CAD: variants seen among roughly 807,000 people sequenced by gnomAD.
CAD encodes carbamoyl-phosphate synthetase 2, aspartate transcarbamylase, and dihydroorotase, also known as multifunctional protein CAD.
Under a neutral mutation model 237.2 loss-of-function variants are expected in CAD, and 81 were observed. The ratio of observed to expected loss-of-function variants is 0.34; its 90% CI spans 0.29 to 0.41. The LOEUF (loss-of-function observed/expected upper bound fraction) is 0.41, where lower values mean the gene tolerates loss of function less well. Ranked by LOEUF, CAD falls within the 10% of genes least tolerant of loss-of-function variation. The pLI, the probability that CAD is intolerant of heterozygous loss-of-function variation, is 1.00. For synonymous variants in CAD, 1,196 were observed against 1,162.8 expected, an observed-to-expected ratio of 1.03 and a Z score of -0.58; for missense variants, 2,181 against 2,951.7, an observed-to-expected ratio of 0.74 and a Z score of 6.05.
At position 27,221,232 on chromosome 2, in the gene CAD, G is replaced by A. The variant is rs753527488; in HGVS notation, c.237G>A (p.Ser79=). Residue 79 remains serine, a synonymous_variant, in exon 3 of 44, where the codon TCG becomes TCA. Coordinates refer to ENST00000264705, the MANE Select transcript of CAD (RefSeq NM_004341.5). ...EFGLCKWFES[S]GIHVAALVVG... is the part of the protein sequence containing the mutation. ...TCCATCTACAGTGGTTTGAATCCTC[G>A]GGCATCCACGTAGCAGCACTGGTAG... The A allele has an allele frequency of 2.1e-4, 326 of 1,547,436 alleles. No homozygotes were observed. Among genetic ancestry groups the A allele is most frequent in the Admixed American group, 3.2e-4 (17 of 53,880 alleles).
rs772610849 is a variant in CAD at position 27,236,324 on chromosome 2, G to A, written c.4115G>A (p.Gly1372Asp). The A allele has an allele frequency of 3.1e-6, 5 of 1,614,048 alleles. No individual in the cohort carries two copies. Among genetic ancestry groups the A allele is most frequent in the Non-Finnish European group, 1.7e-6 (2 of 1,180,032 alleles). ...VDWHFEEAVD[G>D]ECPPQRSILE... Reference sequence around the variant, plus strand: ...TGGCACTTTGAGGAGGCTGTGGATGGTGAGTGCCCACCACAGCGGAGCATC... The same window carrying A: ...TGGCACTTTGAGGAGGCTGTGGATGATGAGTGCCCACCACAGCGGAGCATC... Residue 1372 changes from glycine to aspartate, a missense_variant, in exon 26 of 44, where the codon GGT becomes GAT. Transcript: ENST00000264705. This position sits in a 1 kb window ranked among gnomAD's most constrained non-coding sequence, Gnocchi z 4.1.
At chr2:27,220,038 G>A (rs546248409) in intron 2 of CAD, among the ~76,000 whole-genome samples, 18 of 152,164 alleles carry the variant, frequency 1.2e-4, no homozygotes, top group African/African-American at 4.3e-4. Flanking sequence ...ATTTATATGG[G>A]TGTTACCTTG....
Position 27,232,159 on chromosome 2 carries a change from A to C in CAD, c.2580A>C (p.Pro860=). ...AACACCGTGGACAGCCTTTGCCGCC[A>C]GACCTGCTGCAACAGGCCAAGTGTC... The part of the protein sequence containing the change: ...LEQHRGQPLP[P]DLLQQAKCLG... The change falls in exon 17 of 44, where the codon CCA becomes CCC. Residue 860 remains proline (P), a synonymous_variant. Transcript: ENST00000264705. The surrounding 1 kb of genome is among the most constrained non-coding windows in gnomAD (Gnocchi z 4.1). 1 of 1,614,256 alleles carries C rather than the reference A, an allele frequency of 6.2e-7. No homozygotes were observed. The highest frequency in any genetic ancestry group is 1.6e-4 in the Middle Eastern group (1 of 6,062).
rs772562315 is a variant in CAD, at chr2:27,233,262, A to C, written c.2992-50A>C. ...GGAAGCAGTGAGCAGGAAGGCTCAG[A>C]TTCCTGCCCTCTTTTGCTGCCACCA... On this transcript the variant is annotated intron_variant, in intron 19 of 43. Transcript: ENST00000264705. The surrounding 1 kb of genome is among the most constrained non-coding windows in gnomAD (Gnocchi z 6.3). 6.4e-7 allele frequency: 1 copy of C among 1,553,728 alleles called. No homozygotes were observed. Among genetic ancestry groups the C allele is most frequent in the South Asian group, 1.1e-5 (1 of 89,610 alleles).
intron 12 of CAD, 21 bp downstream of exon 12, chr2:27,225,947 T>G (rs1675427842): frequency 6.2e-7 from 1 of 1,605,128 alleles, no homozygotes; most frequent in Non-Finnish European, 8.5e-7. Context: ...GGGGGAAGGG[T>G]GGGCGTCGTG....
chr2:27,223,810 G>A, intron 7 of CAD, 62 bp downstream of exon 7: 1 of 1,588,068 alleles, frequency 6.3e-7, no homozygotes, highest in South Asian at 1.1e-5. Context: ...TGATGGAAAA[G>A]TAAAGCACGG....
chr2:27,232,685 G>A lies in CAD; in HGVS notation c.2883G>A (p.Gln961=), dbSNP rs781391999. ...GGTGTGCTGTAGGCTGCATCCAGCAGCTCCGAAAGGTCAGAGAGTTCATTT... is the reference window on the plus strand; with the variant it reads ...GGTGTGCTGTAGGCTGCATCCAGCAACTCCGAAAGGTCAGAGAGTTCATTT... ...FDWCAVGCIQ[Q]LRKMGYKTIM... is the part of the protein sequence containing the mutation. Residue 961 remains glutamine (Q), a synonymous_variant, in exon 18 of 44, where the codon CAG becomes CAA. Transcript: ENST00000264705. The surrounding 1 kb of genome is among the most constrained non-coding windows in gnomAD (Gnocchi z 4.1). The A allele has an allele frequency of 8.1e-6, 13 of 1,614,234 alleles. No individual in the cohort carries two copies. The South Asian group carries it at 1.4e-4, about 18-fold the overall frequency.
chr2:27,240,728 C>A lies in CAD; in HGVS notation c.5594-183C>A. ...ACCACTGCTCCCATACAACACAGCC[C>A]CATGGGAAGCCACCTGTCTGTCCCC... On this transcript the variant is annotated intron_variant, in intron 35 of 43. Coordinates refer to ENST00000264705, the MANE Select transcript of CAD (RefSeq NM_004341.5). This position sits in a 1 kb window ranked among gnomAD's most constrained non-coding sequence, Gnocchi z 4.6. 1 of 1,242,000 alleles carries A rather than the reference C, an allele frequency of 8.1e-7. No homozygotes were observed. Among genetic ancestry groups the A allele is most frequent in the South Asian group, 1.4e-5 (1 of 71,662 alleles). 76.9% of individuals were successfully genotyped at this position (1,242,000 alleles called of 1,614,324 possible).
chr2:27,219,712 C>G (rs2148054504), intron 2 of CAD, among the ~76,000 whole-genome samples: 1 of 152,240 alleles, frequency 6.6e-6, no homozygotes, highest in African/African-American at 2.4e-5. Flanking sequence ...ACCTCAGCCT[C>G]CCGAGTAGCT....
rs905906522 is a variant in CAD, at chr2:27,240,472, G to A, written c.5593+111G>A. 74 of 1,486,944 alleles carry A rather than the reference G, an allele frequency of 5.0e-5. No homozygotes were observed. The highest frequency in any genetic ancestry group is 4.5e-5 in the Non-Finnish European group (48 of 1,073,576). 92.1% of individuals were successfully genotyped at this position (1,486,944 alleles called of 1,614,324 possible). A position where few individuals can be genotyped will look rare whatever the true frequency, so the allele number is the denominator to read the frequency against. ...TCCTCCTCTCCATCCCTTTATCCTCGTCTGATCTGCCGTGCCATCCTTTGC... is the reference window on the plus strand; with the variant it reads ...TCCTCCTCTCCATCCCTTTATCCTCATCTGATCTGCCGTGCCATCCTTTGC... On this transcript the variant is annotated intron_variant, in intron 35 of 43. Coordinates refer to ENST00000264705, the MANE Select transcript of CAD (RefSeq NM_004341.5). The surrounding 1 kb of genome is among the most constrained non-coding windows in gnomAD (Gnocchi z 4.6).
At position 27,232,412 on chromosome 2, in the gene CAD, T is replaced by G. The variant is rs754417952; in HGVS notation, c.2646-36T>G. On this transcript the variant is annotated intron_variant, in intron 17 of 43. Coordinates refer to ENST00000264705, the MANE Select transcript of CAD (RefSeq NM_004341.5). The surrounding 1 kb of genome is among the most constrained non-coding windows in gnomAD (Gnocchi z 4.1). ...CCCTCTATCAGTCTGTACCCTACTCTCTGGGCCTGTGTTTCAGACCCTTTT... is the reference window on the plus strand; with the variant it reads ...CCCTCTATCAGTCTGTACCCTACTCGCTGGGCCTGTGTTTCAGACCCTTTT... 5.0e-6 allele frequency: 8 copies of G among 1,613,208 alleles called. No individual in the cohort carries two copies. Among genetic ancestry groups the G allele is most frequent in the Non-Finnish European group, 6.8e-6 (8 of 1,179,676 alleles).
In CAD at chr2:27,242,739, T is replaced by C. The variant is rs1327327626; in HGVS notation, c.6342T>C (p.Thr2114=). The change falls in exon 41 of 44, where the codon ACT becomes ACC. Residue 2114 remains threonine, a synonymous_variant. Transcript: ENST00000264705. This position sits in a 1 kb window ranked among gnomAD's most constrained non-coding sequence, Gnocchi z 6.4. ...CTCCCAGCCTGCGCATGCCACCCACTGTGCGGGCCTTCGTGGCCTCCCGCG... is the reference window on the plus strand; with the variant it reads ...CTCCCAGCCTGCGCATGCCACCCACCGTGCGGGCCTTCGTGGCCTCCCGCG... The part of the protein sequence containing the change: ...VAPPSLRMPP[T]VRAFVASRGT... 1 of 1,614,192 alleles carries C rather than the reference T, an allele frequency of 6.2e-7. No homozygotes were observed. Among genetic ancestry groups the C allele is most frequent in the South Asian group, 1.1e-5 (1 of 91,080 alleles).
At position 27,242,078 on chromosome 2, in the gene CAD, T is replaced by C. The variant is rs1262425480; in HGVS notation, c.6051T>C (p.Tyr2017=). Residue 2017 remains tyrosine (Y), a synonymous_variant, in exon 39 of 44, where the codon TAT becomes TAC. Transcript: ENST00000264705. The surrounding 1 kb of genome is among the most constrained non-coding windows in gnomAD (Gnocchi z 6.4). ...ACTCCGTGCAGACCATGAGCTGCTATGCCGACGTCGTCGTGCTCCGGCACC... is the reference window on the plus strand; with the variant it reads ...ACTCCGTGCAGACCATGAGCTGCTACGCCGACGTCGTCGTGCTCCGGCACC... ...LADSVQTMSC[Y]ADVVVLRHPQ... is the part of the protein sequence containing the mutation. 5 of 1,613,182 alleles carry C rather than the reference T, an allele frequency of 3.1e-6. No individual in the cohort carries two copies. In the Admixed American group the frequency reaches 5.0e-5, roughly 16 times the overall value.
At chr2:27,238,328 G>T in intron 30 of CAD, 103 bp from the exon 31 acceptor site, 4 of 1,455,856 alleles carry the variant, frequency 2.7e-6, no homozygotes, top group Non-Finnish European at 2.8e-6. Flanking sequence ...ACCCTTGCAG[G>T]TCTACATCAT....
chr2:27,223,906 C>A lies in CAD; in HGVS notation c.996-11C>A. On this transcript the variant is annotated splice_polypyrimidine_tract_variant and intron_variant, in intron 7 of 43. Transcript: ENST00000264705. ...ACCATGATGGTTTTCATGATGCAAT[C>A]TCTTCAATAGTGTCCAGTTTCACCC... 6.2e-7 allele frequency: 1 copy of A among 1,600,852 alleles called. No individual in the cohort carries two copies. Among genetic ancestry groups the A allele is most frequent in the Non-Finnish European group, 8.6e-7 (1 of 1,167,902 alleles).
rs1379141447 is a variant in CAD at position 27,236,232 on chromosome 2, T to C, written c.4075-52T>C. On this transcript the variant is annotated intron_variant, in intron 25 of 43. Transcript: ENST00000264705. This position sits in a 1 kb window ranked among gnomAD's most constrained non-coding sequence, Gnocchi z 4.1. ...CAGCTCCTCTCCCTTAAGGCTAGCC[T>C]TCCTGACCGCTGCCAGACAGCTTGG... 1 of 1,599,042 alleles carries C rather than the reference T, an allele frequency of 6.3e-7. No homozygotes were observed. The highest frequency in any genetic ancestry group is 8.5e-7 in the Non-Finnish European group (1 of 1,171,256).
chr2:27,240,197 C>G lies in CAD; in HGVS notation c.5497-68C>G, dbSNP rs1676237444. 6 of 1,319,958 alleles carry G rather than the reference C, an allele frequency of 4.5e-6. No homozygotes were observed. Among genetic ancestry groups the G allele is most frequent in the Non-Finnish European group, 5.4e-6 (5 of 933,160 alleles). 81.8% of individuals were successfully genotyped at this position (1,319,958 alleles called of 1,614,324 possible). A position where few individuals can be genotyped will look rare whatever the true frequency, so the allele number is the denominator to read the frequency against. On this transcript the variant is annotated intron_variant, in intron 34 of 43. Transcript: ENST00000264705. This position sits in a 1 kb window ranked among gnomAD's most constrained non-coding sequence, Gnocchi z 4.6. The stretch of plus-strand genomic sequence containing the variant: ...TCACGCCACTGCACTCCAGCCTGAG[C>G]GACAGAACGAGACTCCGTCTCAAAA...
chr2:27,235,725 C>A lies in CAD; in HGVS notation c.4074+85C>A. 8.7e-7 allele frequency: 1 copy of A among 1,152,414 alleles called. No individual in the cohort carries two copies. The highest frequency in any genetic ancestry group is 1.3e-6 in the Non-Finnish European group (1 of 782,418). The allele number at this position is 1,152,414 out of a possible 1,614,324, so 71.4% of individuals were successfully genotyped here. On this transcript the variant is annotated intron_variant, in intron 25 of 43. Transcript: ENST00000264705. The surrounding 1 kb of genome is among the most constrained non-coding windows in gnomAD (Gnocchi z 5.2). ...GCACCAAAGAATTATCTGGGCTGGGCACGGTGGCATATACCTGTAGTCCCA... is the reference window on the plus strand; with the variant it reads ...GCACCAAAGAATTATCTGGGCTGGGAACGGTGGCATATACCTGTAGTCCCA...
rs1676368413 is a variant in CAD at position 27,242,477 on chromosome 2, G to A, written c.6222+50G>A. ...TCCCTGCCAGGGGACGATCTAGAGA[G>A]GGAGGCAGGAAGTGGTTACCCCGGT... On this transcript the variant is annotated intron_variant, in intron 40 of 43. Transcript: ENST00000264705. The surrounding 1 kb of genome is among the most constrained non-coding windows in gnomAD (Gnocchi z 6.4). 3.1e-6 allele frequency: 5 copies of A among 1,596,560 alleles called. No individual in the cohort carries two copies. Among genetic ancestry groups the A allele is most frequent in the African/African-American group, 2.7e-5 (2 of 74,594 alleles).
Sources: gnomAD v4.1 joint callset for allele counts (sites outside exome capture counted in the v4.1 genomes callset) on GRCh38, gnomAD v4.1.1 for gene constraint, Gnocchi (gnomAD v3.1) non-coding constraint, MANE v1.5 for transcripts, NCBI Gene and HGNC (gene_info 2026-07-23, HGNC 2026-07-21) for gene names.